Variants in TMEM150C observed in about 807,000 individuals in gnomAD.
The protein encoded by TMEM150C is transmembrane protein 150C, also known as tentonin 3.
TMEM150C carries 10 observed loss-of-function variants against 29.9 expected under a neutral mutation model. The observed-to-expected ratio is 0.33, with a 90% CI of 0.21 to 0.57. The LOEUF (loss-of-function observed/expected upper bound fraction) is 0.57. Among genes scored for constraint, TMEM150C ranks in the 20% least tolerant of loss-of-function variants. The pLI, the probability that TMEM150C is intolerant of heterozygous loss-of-function variation, is 0.88. For missense variants in TMEM150C, 251 were observed against 303.6 expected, an observed-to-expected ratio of 0.83 and a Z score of 1.29; for synonymous variants, 101 against 112.5, an observed-to-expected ratio of 0.90 and a Z score of 0.64.
chr4:82,558,395 T>C (rs1321157757), intron 1 of TMEM150C, among the ~76,000 whole-genome samples: 1 of 152,182 alleles, frequency 6.6e-6, no homozygotes, highest in South Asian at 2.1e-4. Context: ...GAAAAGGCTG[T>C]TTATAGATGC....
chr4:82,491,177 G>A, intron 6 of TMEM150C: 1 of 697,980 alleles, frequency 1.4e-6, no homozygotes, highest in Non-Finnish European at 2.6e-6. Context: ...GAGCCTTTTT[G>A]TTTTCCACCA....
intron 1 of TMEM150C, 98 bp downstream of exon 1, chr4:82,561,808 C>G: frequency 1.1e-6 from 1 of 876,120 alleles, no homozygotes; most frequent in Non-Finnish European, 1.4e-6. Flanking sequence ...GCAGCCCCCG[C>G]CGTCCCCGGT....
chr4:82,547,456 G>C (rs1486439361), intron 1 of TMEM150C, among the ~76,000 whole-genome samples: 1 of 152,110 alleles, frequency 6.6e-6, no homozygotes, highest in Non-Finnish European at 1.5e-5. Flanking sequence ...GGGCATGGTG[G>C]CACACGCCTG....
chr4:82,522,230 A>T (rs999801048), intron 1 of TMEM150C, among the ~76,000 whole-genome samples: 1 of 152,116 alleles, frequency 6.6e-6, no homozygotes. Context: ...GGTAAGATTG[A>T]GTGTGGCCAG....
chr4:82,530,109 G>C (rs1724790314), intron 1 of TMEM150C, among the ~76,000 whole-genome samples: 2 of 151,232 alleles, frequency 1.3e-5, no homozygotes, highest in Admixed American at 6.6e-5. Context: ...TCTCTCTAGA[G>C]AGAGAGAGTG....
chr4:82,491,286 T>C, intron 6 of TMEM150C: 2 of 678,152 alleles, frequency 2.9e-6, no homozygotes, highest in Non-Finnish European at 5.4e-6. Context: ...GGCCAACAGC[T>C]TCTGCTTCTT....
intron 1 of TMEM150C, among the ~76,000 whole-genome samples, chr4:82,527,685 A>G (rs1331161710): frequency 1.3e-5 from 2 of 152,118 alleles, no homozygotes; most frequent in African/African-American, 4.8e-5. Context: ...TGCCCAGTGG[A>G]CTTCTAACTC....
intron 2 of TMEM150C, among the ~76,000 whole-genome samples, chr4:82,503,579 A>G (rs1723802895): frequency 1.3e-5 from 2 of 152,204 alleles, no homozygotes; most frequent in Admixed American, 6.5e-5. Context: ...GGCCGGGCGC[A>G]GTGGCTCACG....
chr4:82,561,559 CG>C (rs1725929490), intron 1 of TMEM150C, among the ~76,000 whole-genome samples: 1 of 149,310 alleles, frequency 6.7e-6, no homozygotes, highest in East Asian at 2.0e-4. Flanking sequence ...GGGCCGGGGC[CG>C]GGGCCGGGGC....
At chr4:82,553,856 T>C (rs1371720032) in intron 1 of TMEM150C, among the ~76,000 whole-genome samples, 1 of 152,258 alleles carries the variant, frequency 6.6e-6, no homozygotes, top group Non-Finnish European at 1.5e-5. Context: ...TTTTCATCTT[T>C]ATTTTTATGT....
At chr4:82,493,014 CAT>C (rs1350247910) in intron 6 of TMEM150C, among the ~76,000 whole-genome samples, 3 of 150,562 alleles carry the variant, frequency 2.0e-5, no homozygotes, top group Non-Finnish European at 4.4e-5. Context: ...TTTTCTTCAA[CAT>C]ATATTTTTTA....
At chr4:82,554,951 C>T (rs1578160344) in intron 1 of TMEM150C, among the ~76,000 whole-genome samples, 1 of 152,132 alleles carries the variant, frequency 6.6e-6, no homozygotes, top group South Asian at 2.1e-4. Flanking sequence ...GAATTTTTCA[C>T]GTTAGACACA....
intron 1 of TMEM150C, among the ~76,000 whole-genome samples, chr4:82,535,679 GGGA>G (rs1248078241): frequency 2.0e-5 from 3 of 152,190 alleles, no homozygotes; most frequent in Non-Finnish European, 4.4e-5. Context: ...CCATTGACCT[GGGA>G]TTGAGTTGTT....
At chr4:82,535,990 G>A (rs2110085126) in intron 1 of TMEM150C, among the ~76,000 whole-genome samples, 1 of 152,202 alleles carries the variant, frequency 6.6e-6, no homozygotes, top group South Asian at 2.1e-4. Context: ...CCCAGGCCGG[G>A]TTGGGAGTGT....
chr4:82,489,930 AC>A lies in TMEM150C; in HGVS notation c.541+130del, dbSNP rs1199215610. Reference sequence around the variant, plus strand: ...TTGGTCTGAGGGTTTTTGTTTTTATACCTGTTTACCTTTGCCTTAAGATTCT... The same window carrying A: ...TTGGTCTGAGGGTTTTTGTTTTTATACTGTTTACCTTTGCCTTAAGATTCT... On this transcript the variant is annotated intron_variant, in intron 7 of 7. Coordinates refer to ENST00000449862, the MANE Select transcript of TMEM150C (RefSeq NM_001080506.3). The A allele has an allele frequency of 3.5e-6, 3 of 866,408 alleles. No individual in the cohort carries two copies. The East Asian group carries it at 7.9e-5, about 23-fold the overall frequency. 53.7% of individuals were successfully genotyped at this position (866,408 alleles called of 1,614,324 possible). A position where few individuals can be genotyped will look rare whatever the true frequency, so the allele number is the denominator to read the frequency against.
intron 1 of TMEM150C, among the ~76,000 whole-genome samples, chr4:82,539,271 T>G (rs1725119757): frequency 6.6e-6 from 1 of 152,156 alleles, no homozygotes; most frequent in Admixed American, 6.5e-5. Flanking sequence ...AATACTATTA[T>G]CATGATCATT....
intron 1 of TMEM150C, among the ~76,000 whole-genome samples, chr4:82,559,840 AT>A (rs1344669961): frequency 1.6e-4 from 25 of 152,282 alleles, no homozygotes; most frequent in African/African-American, 5.1e-4. Flanking sequence ...AAATGGCCAG[AT>A]TGCAGTGAAA....
At chr4:82,543,676 T>C (rs969997202) in intron 1 of TMEM150C, among the ~76,000 whole-genome samples, 7 of 152,200 alleles carry the variant, frequency 4.6e-5, no homozygotes, top group African/African-American at 1.7e-4. Context: ...ATATACAACA[T>C]ACTCATTCAA....
intron 1 of TMEM150C, among the ~76,000 whole-genome samples, chr4:82,521,223 A>G (rs924722793): frequency 1.3e-5 from 2 of 152,152 alleles, no homozygotes; most frequent in Non-Finnish European, 2.9e-5. Context: ...ATTACATTTT[A>G]TCTATTTTAA....
Sources: gnomAD v4.1 joint callset for allele counts (sites outside exome capture counted in the v4.1 genomes callset) on GRCh38, gnomAD v4.1.1 for gene constraint, MANE v1.5 for transcripts, NCBI Gene and HGNC (gene_info 2026-07-23, HGNC 2026-07-21) for gene names.